Variants in PCCB observed in about 807,000 individuals in gnomAD.
The protein encoded by PCCB is propionyl-CoA carboxylase subunit beta, also known as propionyl-CoA carboxylase beta chain, mitochondrial.
PCCB carries 43 observed loss-of-function variants against 60.7 expected under a neutral mutation model. The observed-to-expected ratio is 0.71, with a 90% CI of 0.55 to 0.91. PCCB has a LOEUF of 0.91. Among genes scored for constraint, PCCB ranks in the 40% least tolerant of loss-of-function variants. PCCB has a pLI of 0.00. For synonymous variants in PCCB, 276 were observed against 255.9 expected, an observed-to-expected ratio of 1.08 and a Z score of -0.75; for missense variants, 766 against 702.8, an observed-to-expected ratio of 1.09 and a Z score of -1.02.
chr3:136,324,161 G>T (rs1935212841), intron 10 of PCCB, among the ~76,000 whole-genome samples: 2 of 152,064 alleles, frequency 1.3e-5, no homozygotes, highest in South Asian at 4.2e-4. Context: ...GCCTGGGCTG[G>T]TCTTGAACTC....
chr3:136,316,368 T>TG (rs1268567358), intron 9 of PCCB, among the ~76,000 whole-genome samples: 2 of 152,104 alleles, frequency 1.3e-5, no homozygotes, highest in Non-Finnish European at 2.9e-5. Context: ...CAGGCTAGAG[T>TG]GCAGTGGCAT....
chr3:136,251,109 C>T (rs1941503855), intron 1 of PCCB: 1 of 421,252 alleles, frequency 2.4e-6, no homozygotes, highest in South Asian at 1.7e-5. Context: ...AGGGCCTTAG[C>T]ATGCCTCGCC....
intron 5 of PCCB, among the ~76,000 whole-genome samples, chr3:136,263,883 A>G (rs893724462): frequency 6.6e-6 from 1 of 152,020 alleles, no homozygotes; most frequent in Admixed American, 6.6e-5. Context: ...ATGGTGGCAC[A>G]TGCCTGTAAT....
chr3:136,262,785 G>T (rs2108147877), intron 5 of PCCB, among the ~76,000 whole-genome samples: 1 of 152,282 alleles, frequency 6.6e-6, no homozygotes, highest in African/African-American at 2.4e-5. Flanking sequence ...TGCTCTGCAG[G>T]CTTACTTCTG....
chr3:136,286,784 G>T (rs80007343), intron 6 of PCCB, among the ~76,000 whole-genome samples: 9 of 151,996 alleles, frequency 5.9e-5, no homozygotes, highest in Admixed American at 5.9e-4. Context: ...TGCAGTGAGC[G>T]CTTTGGGAGG....
At chr3:136,264,488 G>T (rs1310275293) in intron 5 of PCCB, among the ~76,000 whole-genome samples, 2 of 139,474 alleles carry the variant, frequency 1.4e-5, no homozygotes, top group Non-Finnish European at 3.2e-5. Flanking sequence ...ATCCAATCCA[G>T]AATAAAGCAT....
At chr3:136,300,993 C>T (rs768753060) in intron 8 of PCCB, 37 bp from the exon 9 acceptor site, 1 of 1,518,058 alleles carries the variant, frequency 6.6e-7, no homozygotes, top group Non-Finnish European at 9.2e-7. Context: ...ACTGGCTCTT[C>T]CTATGTTGAC....
chr3:136,322,802 C>G (rs1388075218), intron 10 of PCCB, among the ~76,000 whole-genome samples: 1 of 152,098 alleles, frequency 6.6e-6, no homozygotes, highest in African/African-American at 2.4e-5. Context: ...AGGGCCTCAG[C>G]TTTTGTTTAT....
intron 6 of PCCB, among the ~76,000 whole-genome samples, chr3:136,284,742 A>T (rs1933296977): frequency 6.6e-6 from 1 of 152,156 alleles, no homozygotes; most frequent in African/African-American, 2.4e-5. Flanking sequence ...GTTCTTAGTG[A>T]TATACCGAAA....
Position 136,298,009 on chromosome 3 carries a change from T to A in PCCB, c.821T>A (p.Phe274Tyr), listed in dbSNP as rs750931122. 2.8e-5 allele frequency: 46 copies of A among 1,614,140 alleles called. 1 individual carries two copies. In the South Asian group the frequency reaches 4.8e-4, roughly 17 times the overall value. ...DVDALCNLRD[F>Y]FNYLPLSSQD... The stretch of plus-strand genomic sequence containing the variant: ...GATGCCTTGTGTAATCTCCGGGATT[T>A]CTTCAACTACCTGCCCCTGAGCAGT... The change falls in exon 8 of 15, where the codon TTC becomes TAC. Residue 274 changes from phenylalanine (F) to tyrosine (Y), a missense_variant. Physicochemically the swap from Phe to Tyr is conservative, Grantham distance 22. Transcript: ENST00000251654.
chr3:136,261,022 T>G (rs577560195), intron 4 of PCCB, among the ~76,000 whole-genome samples: 9 of 152,304 alleles, frequency 5.9e-5, no homozygotes, highest in African/African-American at 1.9e-4. Flanking sequence ...AAGAGAAATG[T>G]TAACGATCAG....
At chr3:136,268,103 T>TATATATATATATATATATAC (rs1942076700) in intron 5 of PCCB, among the ~76,000 whole-genome samples, 1 of 125,530 alleles carries the variant, frequency 8.0e-6, no homozygotes, top group Non-Finnish European at 1.6e-5. Flanking sequence ...TATATATATA[T>TATATATATATATATATATAC]ATATATATAT....
At chr3:136,328,106 G>T (rs991220023) in intron 13 of PCCB, among the ~76,000 whole-genome samples, 27 of 152,116 alleles carry the variant, frequency 1.8e-4, no homozygotes, top group Admixed American at 2.6e-4. Flanking sequence ...TTCCAGGGAG[G>T]GCCCCAGAGC....
At chr3:136,265,072 T>C (rs1941950308) in intron 5 of PCCB, among the ~76,000 whole-genome samples, 1 of 152,028 alleles carries the variant, frequency 6.6e-6, no homozygotes, top group South Asian at 2.1e-4. Flanking sequence ...CGAGCGCCTG[T>C]AATCCCAGCT....
chr3:136,284,823 C>T (rs1193432474), intron 6 of PCCB, among the ~76,000 whole-genome samples: 1 of 152,140 alleles, frequency 6.6e-6, no homozygotes, highest in Non-Finnish European at 1.5e-5. Context: ...CACAGTGTCT[C>T]ACGCCTGTAA....
At chr3:136,319,406 A>G (rs1321930934) in intron 10 of PCCB, among the ~76,000 whole-genome samples, 2 of 139,786 alleles carry the variant, frequency 1.4e-5, no homozygotes, top group Non-Finnish European at 3.0e-5. Context: ...TTTTTTTGAG[A>G]TGGAGTCTCG....
intron 6 of PCCB, among the ~76,000 whole-genome samples, chr3:136,290,424 G>T (rs1444446067): frequency 6.6e-6 from 1 of 151,970 alleles, no homozygotes; most frequent in Non-Finnish European, 1.5e-5. Flanking sequence ...TAGGCAAAAT[G>T]TTTTTTTCTT....
chr3:136,317,210 T>A (rs1354525935), intron 10 of PCCB, 146 bp downstream of exon 10: 6 of 484,002 alleles, frequency 1.2e-5, no homozygotes, highest in East Asian at 8.5e-5. Context: ...TTATAAAAGC[T>A]AATTTTTTTT....
intron 3 of PCCB, chr3:136,260,278 A>G (rs777136038): frequency 3.9e-5 from 26 of 660,970 alleles, no homozygotes; most frequent in East Asian, 5.6e-5. Flanking sequence ...GGCTTCTGCC[A>G]TGTCGCCCAG....
Sources: gnomAD v4.1 joint callset for allele counts (sites outside exome capture counted in the v4.1 genomes callset) on GRCh38, gnomAD v4.1.1 for gene constraint, MANE v1.5 for transcripts, NCBI Gene and HGNC (gene_info 2026-07-23, HGNC 2026-07-21) for gene names.